SEMA6D: variants seen among roughly 807,000 people sequenced by gnomAD.
SEMA6D encodes the protein semaphorin-6D.
In SEMA6D, 35 loss-of-function variants were observed where a neutral mutation model predicts 106.6. The observed-to-expected ratio is 0.33, with a 90% CI of 0.25 to 0.44. The LOEUF is 0.44. Ranked by LOEUF, SEMA6D falls within the 20% of genes least tolerant of loss-of-function variation. The probability of loss-of-function intolerance (pLI) is 1.00; values close to 1 mark genes in which losing one functional copy is unlikely to be tolerated. For missense variants in SEMA6D, 1,185 were observed against 1,345.9 expected (o/e 0.88, Z 1.87); for synonymous variants, 499 against 487.7 (o/e 1.02, Z -0.31).
intron 2 of SEMA6D, among the ~76,000 whole-genome samples, chr15:47,428,480 A>G (rs2041421606): frequency 1.7e-4 from 18 of 106,258 alleles, no homozygotes; most frequent in South Asian, 3.7e-4. Context: ...AAGTGGGTAA[A>G]ATGGGGCAAG....
intron 2 of SEMA6D, among the ~76,000 whole-genome samples, chr15:47,458,944 A>G (rs956993902): frequency 5.3e-5 from 8 of 152,096 alleles, no homozygotes; most frequent in African/African-American, 9.6e-5. Flanking sequence ...ATAAGCCCCA[A>G]TGATTTCCAC....
chr15:47,664,303 G>A (rs150275791), intron 4 of SEMA6D, among the ~76,000 whole-genome samples: 1,536 of 152,124 alleles, frequency 0.01, 15 homozygotes, highest in South Asian at 0.045. Flanking sequence ...GGATTATTTT[G>A]GAAGATTCCT....
chr15:47,747,579 C>G (rs1261472173), intron 1 of SEMA6D, among the ~76,000 whole-genome samples: 1 of 152,160 alleles, frequency 6.6e-6, no homozygotes, highest in Non-Finnish European at 1.5e-5. Context: ...ATTGACCCAA[C>G]TTTGAGGAAA....
At chr15:47,488,014 T>C (rs1037675615) in intron 3 of SEMA6D, among the ~76,000 whole-genome samples, 1 of 152,200 alleles carries the variant, frequency 6.6e-6, no homozygotes, top group African/African-American at 2.4e-5. Flanking sequence ...CCTGGCTGAA[T>C]TGAGGCCCAC....
chr15:47,570,591 G>A (rs577366899), intron 3 of SEMA6D, among the ~76,000 whole-genome samples: 13 of 152,284 alleles, frequency 8.5e-5, no homozygotes, highest in African/African-American at 3.1e-4. Context: ...ACTCTAATTG[G>A]ATTATTGCTT....
At chr15:47,616,229 G>C (rs1226110261) in intron 4 of SEMA6D, among the ~76,000 whole-genome samples, 2 of 151,870 alleles carry the variant, frequency 1.3e-5, no homozygotes, top group East Asian at 1.9e-4. Flanking sequence ...GAGTGCAGTG[G>C]TGCAATCTCA....
At chr15:47,206,072 T>G (rs1315785173) in intron 1 of SEMA6D, among the ~76,000 whole-genome samples, 1 of 152,192 alleles carries the variant, frequency 6.6e-6, no homozygotes, top group Non-Finnish European at 1.5e-5. Context: ...TTCAACATCC[T>G]TACACTAAAA....
intron 3 of SEMA6D, among the ~76,000 whole-genome samples, chr15:47,533,495 G>A (rs1453948622): frequency 6.6e-6 from 1 of 152,126 alleles, no homozygotes; most frequent in Non-Finnish European, 1.5e-5. Flanking sequence ...TTTTCATTCG[G>A]TCATTTTCTT....
chr15:47,710,706 T>TA (rs2079000150), intron 4 of SEMA6D, among the ~76,000 whole-genome samples: 1 of 152,206 alleles, frequency 6.6e-6, no homozygotes, highest in Admixed American at 6.5e-5. Flanking sequence ...GTGATATTGT[T>TA]AAAAACCTCT....
intron 2 of SEMA6D, among the ~76,000 whole-genome samples, chr15:47,420,709 G>T (rs1231472029): frequency 1.3e-5 from 2 of 152,036 alleles, no homozygotes; most frequent in Non-Finnish European, 2.9e-5. Context: ...ATCTTTTTGG[G>T]AAGGATGATA....
intron 1 of SEMA6D, among the ~76,000 whole-genome samples, chr15:47,315,088 G>A (rs911714496): frequency 2.6e-5 from 4 of 151,514 alleles, no homozygotes; most frequent in South Asian, 2.1e-4. Context: ...GGATGGTCTC[G>A]ATCTCCTGAC....
chr15:47,745,068 G>T (rs2081049723), intron 1 of SEMA6D, among the ~76,000 whole-genome samples: 1 of 152,138 alleles, frequency 6.6e-6, no homozygotes, highest in African/African-American at 2.4e-5. Flanking sequence ...TAATGTTTGG[G>T]ATAAGATTAA....
chr15:47,244,862 G>A (rs771915347), intron 1 of SEMA6D, among the ~76,000 whole-genome samples: 2 of 152,030 alleles, frequency 1.3e-5, no homozygotes, highest in Non-Finnish European at 1.5e-5. Flanking sequence ...CATCCCCCTC[G>A]CGGTAGTTCC....
At chr15:47,287,959 T>C (rs1350975872) in intron 1 of SEMA6D, among the ~76,000 whole-genome samples, 1 of 151,874 alleles carries the variant, frequency 6.6e-6, no homozygotes, top group Admixed American at 6.6e-5. Flanking sequence ...AAGGGGGAGA[T>C]GGTTTTTCAC....
chr15:47,754,340 G>A (rs937196640), intron 1 of SEMA6D, among the ~76,000 whole-genome samples: 1 of 152,094 alleles, frequency 6.6e-6, no homozygotes, highest in Non-Finnish European at 1.5e-5. Context: ...TTTGCATCTG[G>A]AACAACAAAT....
At chr15:47,462,990 G>A (rs960039754) in intron 2 of SEMA6D, among the ~76,000 whole-genome samples, 3 of 152,046 alleles carry the variant, frequency 2.0e-5, no homozygotes, top group Non-Finnish European at 4.4e-5. Context: ...ATAAAGAGAC[G>A]TAGCTACAAG....
intron 1 of SEMA6D, among the ~76,000 whole-genome samples, chr15:47,740,442 C>A (rs2080739200): frequency 6.6e-6 from 1 of 152,062 alleles, no homozygotes; most frequent in South Asian, 2.1e-4. Context: ...ATCACTTGAA[C>A]CCGGGAGGTG....
intron 3 of SEMA6D, among the ~76,000 whole-genome samples, chr15:47,563,538 C>T (rs1173341485): frequency 6.6e-6 from 1 of 152,166 alleles, no homozygotes; most frequent in Non-Finnish European, 1.5e-5. Flanking sequence ...CACAGCCCTT[C>T]CTGAACTCTC....
At chr15:47,564,256 C>T (rs532259538) in intron 3 of SEMA6D, among the ~76,000 whole-genome samples, 1 of 152,312 alleles carries the variant, frequency 6.6e-6, no homozygotes, top group African/African-American at 2.4e-5. Flanking sequence ...GAGAAGAAAT[C>T]CCCTCCCTGG....
Sources: gnomAD v4.1 joint callset for allele counts (sites outside exome capture counted in the v4.1 genomes callset) on GRCh38, gnomAD v4.1.1 for gene constraint, MANE v1.5 for transcripts, NCBI Gene and HGNC (gene_info 2026-07-23, HGNC 2026-07-21) for gene names.